The following CELF2 variants were observed in gnomAD, a reference collection of about 807,000 sequenced individuals.
CELF2 encodes CUGBP Elav-like family member 2.
Under a neutral mutation model 62.6 loss-of-function variants are expected in CELF2, and 8 were observed. The ratio of observed to expected loss-of-function variants is 0.13; its 90% CI spans 0.07 to 0.23. CELF2 has a LOEUF of 0.23. Among genes scored for constraint, CELF2 ranks in the 10% least tolerant of loss-of-function variants. CELF2 has a pLI of 1.00. For synonymous variants in CELF2, 258 were observed against 250.0 expected (o/e 1.03, Z -0.30); for missense variants, 333 against 671.0 (o/e 0.50, Z 5.56).
chr10:11,017,894 G>T lies in CELF2; in HGVS notation c.-196G>T. The T allele has an allele frequency of 1.0e-6, 1 of 961,476 alleles. No individual in the cohort carries two copies. The highest frequency in any genetic ancestry group is 1.2e-6 in the Non-Finnish European group (1 of 810,388). The allele number at this position is 961,476 out of a possible 1,614,324, so 59.6% of individuals were successfully genotyped here. A position where few individuals can be genotyped will look rare whatever the true frequency, so the allele number is the denominator to read the frequency against. ...TCCGCCCCCGCCCGCCGCACCTGGC[G>T]CTCGGCAGCCGGCCGCCCCGGCGCT... On this transcript the variant is annotated 5_prime_UTR_variant, in exon 1 of 13. Coordinates refer to ENST00000633077, the MANE Select transcript of CELF2 (RefSeq NM_001326342.2). This position sits in a 1 kb window ranked among gnomAD's most constrained non-coding sequence, Gnocchi z 5.5.
At chr10:10,872,099 C>T (rs1200155090) in intron 1 of CELF2, among the ~76,000 whole-genome samples, 1 of 152,126 alleles carries the variant, frequency 6.6e-6, no homozygotes, top group Non-Finnish European at 1.5e-5. Context: ...AGCTCCTGTC[C>T]TTCCCTTCCT....
At chr10:10,825,684 T>TA (rs1213595053) in intron 1 of CELF2, among the ~76,000 whole-genome samples, 1 of 152,182 alleles carries the variant, frequency 6.6e-6, no homozygotes, top group Non-Finnish European at 1.5e-5. Context: ...TCCGGAGTGT[T>TA]GGTGGACTTC....
intron 1 of CELF2, among the ~76,000 whole-genome samples, chr10:10,857,857 A>T (rs143316733): frequency 6.6e-6 from 1 of 151,638 alleles, no homozygotes; most frequent in Non-Finnish European, 1.5e-5. Context: ...AAAGGTAAAC[A>T]TGAACACACA....
At chr10:10,924,432 A>G (rs1321738510) in intron 2 of CELF2, among the ~76,000 whole-genome samples, 1 of 152,148 alleles carries the variant, frequency 6.6e-6, no homozygotes, top group Non-Finnish European at 1.5e-5. Context: ...TTTCAACATA[A>G]ACTAAACAGT....
intron 2 of CELF2, among the ~76,000 whole-genome samples, chr10:10,987,320 A>G (rs2052887392): frequency 6.6e-6 from 1 of 151,666 alleles, no homozygotes; most frequent in South Asian, 2.1e-4. Flanking sequence ...TTTTTTTCCT[A>G]AAATTGGAGA....
At chr10:11,042,527 T>C (rs1025576575) in intron 1 of CELF2, among the ~76,000 whole-genome samples, 5 of 152,242 alleles carry the variant, frequency 3.3e-5, no homozygotes, top group Non-Finnish European at 7.3e-5. Context: ...TGTGCCTGAC[T>C]GTGGCTGTCT....
chr10:11,198,644 A>G (rs2058530767), intron 2 of CELF2, among the ~76,000 whole-genome samples: 2 of 152,252 alleles, frequency 1.3e-5, no homozygotes, highest in African/African-American at 4.8e-5. Context: ...AATCTAGACC[A>G]GTGTCCCTTT....
Position 11,022,562 on chromosome 10 carries a change from C to T in CELF2, c.74+4399C>T, listed in dbSNP as rs192519997. On this transcript the variant is annotated intron_variant, in intron 1 of 12. Coordinates refer to ENST00000633077, the MANE Select transcript of CELF2 (RefSeq NM_001326342.2). ...TTTTTTTTTTCTCCCCTGACAGCTA[C>T]AATAACACTGTATTTGGCCTCTGGT... Among the ~76,000 whole-genome samples the T allele has an allele frequency of 7.2e-5, 11 of 151,988 alleles. No homozygotes were observed. The East Asian group carries it at 2.1e-3, about 29-fold the overall frequency.
intron 9 of CELF2, among the ~76,000 whole-genome samples, chr10:11,294,304 C>T (rs919657171): frequency 1.3e-5 from 2 of 152,168 alleles, no homozygotes; most frequent in Admixed American, 6.5e-5. Flanking sequence ...GCTAAGTCCA[C>T]GTAGTCTTCC....
chr10:10,757,909 T>C, the CELF2 span, among the ~76,000 whole-genome samples: 4 of 152,110 alleles, frequency 2.6e-5, no homozygotes, highest in Non-Finnish European at 5.9e-5. Context: ...GCAAAGTTTG[T>C]AAACTAGGCC....
chr10:10,722,705 C>A, the CELF2 span, among the ~76,000 whole-genome samples: 1 of 152,164 alleles, frequency 6.6e-6, no homozygotes, highest in South Asian at 2.1e-4. Context: ...TATGAACCAG[C>A]AAAGACACTT....
chr10:10,815,020 TGTCA>T (rs1423959328), intron 1 of CELF2, among the ~76,000 whole-genome samples: 2 of 152,214 alleles, frequency 1.3e-5, no homozygotes, highest in African/African-American at 4.8e-5. Context: ...AAATTGAAAG[TGTCA>T]GTCTGCCTTG....
At chr10:11,050,325 A>G (rs2063681510) in intron 1 of CELF2, among the ~76,000 whole-genome samples, 1 of 152,248 alleles carries the variant, frequency 6.6e-6, no homozygotes, top group African/African-American at 2.4e-5. Context: ...AGAAAATGCA[A>G]CATTTAAAAA....
At chr10:11,142,480 C>T (rs559304389) in intron 1 of CELF2, among the ~76,000 whole-genome samples, 9 of 151,986 alleles carry the variant, frequency 5.9e-5, no homozygotes, top group Admixed American at 2.6e-4. Flanking sequence ...GTCAGGAGAT[C>T]GAGACCATCC....
rs563968753 is a variant in CELF2 at position 11,309,227 on chromosome 10, A to T, written c.977-4912A>T. ...CATAGCTTTCTATTAACAACAGGAC[A>T]TTGTAGATGTTACAGCACTTCTGGG... On this transcript the variant is annotated intron_variant, in intron 9 of 12. Transcript: ENST00000633077. This position sits in a 1 kb window ranked among gnomAD's most constrained non-coding sequence, Gnocchi z 5.6. 6.6e-5 allele frequency among the ~76,000 whole-genome samples: 10 copies of T among 152,340 alleles called. No homozygotes were observed. The South Asian group carries it at 1.7e-3, about 25-fold the overall frequency.
chr10:11,196,649 T>C, intron 2 of CELF2, among the ~76,000 whole-genome samples: 1 of 146,458 alleles, frequency 6.8e-6, no homozygotes, highest in Non-Finnish European at 1.5e-5. Flanking sequence ...CCTCTCTCTT[T>C]AAAAAAAACA....
chr10:11,165,329 T>C lies in CELF2; in HGVS notation c.75-157T>C. 7.1e-7 allele frequency: 1 copy of C among 1,418,058 alleles called. No individual in the cohort carries two copies. The highest frequency in any genetic ancestry group is 1.5e-5 in the South Asian group (1 of 65,512). The allele number at this position is 1,418,058 out of a possible 1,614,324, so 87.8% of individuals were successfully genotyped here. A position where few individuals can be genotyped will look rare whatever the true frequency, so the allele number is the denominator to read the frequency against. ...AGGAGCAACTCATGGTGCCTCCGCTTTGTTTTAGTTCATCAAATTTCTACG... is the reference window on the plus strand; with the variant it reads ...AGGAGCAACTCATGGTGCCTCCGCTCTGTTTTAGTTCATCAAATTTCTACG... On this transcript the variant is annotated intron_variant, in intron 1 of 12. Coordinates refer to ENST00000633077, the MANE Select transcript of CELF2 (RefSeq NM_001326342.2). The surrounding 1 kb of genome is among the most constrained non-coding windows in gnomAD (Gnocchi z 7.4).
intron 1 of CELF2, among the ~76,000 whole-genome samples, chr10:10,897,541 A>G (rs1282777856): frequency 6.6e-6 from 1 of 152,198 alleles, no homozygotes; most frequent in African/African-American, 2.4e-5. Flanking sequence ...TCCAGATAAT[A>G]TGCTCCAGAC....
chr10:11,209,516 C>T (rs1293278776), intron 2 of CELF2, among the ~76,000 whole-genome samples: 1 of 151,322 alleles, frequency 6.6e-6, no homozygotes, highest in Non-Finnish European at 1.5e-5. Flanking sequence ...TGCCTTTTGC[C>T]TCAAGATGCT....
Sources: allele counts gnomAD v4.1 joint callset (sites outside exome capture counted in the v4.1 genomes callset), GRCh38; gene constraint gnomAD v4.1.1; non-coding constraint Gnocchi (gnomAD v3.1); transcripts MANE v1.5; gene names NCBI Gene and HGNC (gene_info 2026-07-23, HGNC 2026-07-21).